Variants in HELZ observed in about 807,000 individuals in gnomAD.
HELZ encodes helicase with zinc finger, also known as ATP-dependent RNA helicase with zinc finger domain.
Under a neutral mutation model 218.2 loss-of-function variants are expected in HELZ, and 23 were observed. The observed-to-expected ratio is 0.11, with a 90% confidence interval of 0.08 to 0.15. The LOEUF is 0.15. Ranked by LOEUF, HELZ falls within the 10% of genes least tolerant of loss-of-function variation. The pLI is 1.00. For synonymous variants in HELZ, 814 were observed against 829.4 expected (o/e 0.98, Z 0.32); for missense variants, 1,813 against 2,353.7 (o/e 0.77, Z 4.75).
chr17:67,133,668 C>T (rs1056579072), intron 23 of HELZ, among the ~76,000 whole-genome samples: 1 of 152,130 alleles, frequency 6.6e-6, no homozygotes, highest in African/African-American at 2.4e-5. Context: ...GCACATGCCA[C>T]CACACGCAGC....
rs371535921 is a variant in HELZ, at chr17:67,078,329, C to T, written c.5752G>A (p.Asp1918Asn). 7 of 1,613,884 alleles carry T rather than the reference C, an allele frequency of 4.3e-6. No homozygotes were observed. The highest frequency in any genetic ancestry group is 3.3e-5 in the Admixed American group (2 of 60,002). ...PPPEQAKKSS[D>N]PLSLFQELSL... Reference sequence around the variant, plus strand: ...AGTTCCTGGAAGAGAGACAGAGGGTCGCTACTCTTCTTGGCCTGCTCAGGA... The same window carrying T: ...AGTTCCTGGAAGAGAGACAGAGGGTTGCTACTCTTCTTGGCCTGCTCAGGA... The change falls in exon 33 of 33, where the codon GAC becomes AAC. Residue 1918 changes from aspartate (D) to asparagine (N), a missense_variant. By Grantham distance (23) the Asp-to-Asn change is conservative. Coordinates refer to ENST00000358691, the MANE Select transcript of HELZ (RefSeq NM_014877.4).
At chr17:67,182,895 G>C (rs1488339958) in intron 12 of HELZ, among the ~76,000 whole-genome samples, 1 of 152,100 alleles carries the variant, frequency 6.6e-6, no homozygotes, top group African/African-American at 2.4e-5. Flanking sequence ...TAGCAGACTT[G>C]AAAAATACCT....
intron 15 of HELZ, 75 bp downstream of exon 15, chr17:67,166,403 G>T: frequency 7.9e-7 from 1 of 1,273,378 alleles, no homozygotes; most frequent in African/African-American, 1.5e-5. Context: ...ATAAAAGTAT[G>T]CTTGAGTTAT....
rs138790322 is a variant in HELZ, at chr17:67,076,158, T to C, written c.*2094A>G. On this transcript the variant is annotated 3_prime_UTR_variant, in exon 33 of 33. Transcript: ENST00000358691. ...CTTTTGAACATTTATCTAGCTTGCGTTGTAGTCCTGTATATGGGGGCTGGG... is the reference window on the plus strand; with the variant it reads ...CTTTTGAACATTTATCTAGCTTGCGCTGTAGTCCTGTATATGGGGGCTGGG... 8 of 152,482 alleles carry C rather than the reference T, an allele frequency of 5.2e-5. No individual in the cohort carries two copies. The highest frequency in any genetic ancestry group is 1.7e-4 in the African/African-American group (7 of 41,534). The allele number at this position is 152,482 out of a possible 1,614,324, so 9.4% of individuals were successfully genotyped here. A position where few individuals can be genotyped will look rare whatever the true frequency, so the allele number is the denominator to read the frequency against.
chr17:67,170,974 C>A (rs918364881), intron 13 of HELZ, among the ~76,000 whole-genome samples: 2 of 151,072 alleles, frequency 1.3e-5, no homozygotes, highest in African/African-American at 4.9e-5. Context: ...ACTTATAGTG[C>A]AAGAAATTCT....
intron 6 of HELZ, among the ~76,000 whole-genome samples, chr17:67,202,330 C>T (rs570801908): frequency 6.6e-6 from 1 of 151,818 alleles, no homozygotes; most frequent in Non-Finnish European, 1.5e-5. Context: ...CAAAAAAAGC[C>T]AAAAAATTAA....
At position 67,149,898 on chromosome 17, in the gene HELZ, G is replaced by A. The variant is rs751196384; in HGVS notation, c.2444C>T (p.Thr815Ile). 6.2e-7 allele frequency: 1 copy of A among 1,609,662 alleles called. No individual in the cohort carries two copies. Among genetic ancestry groups the A allele is most frequent in the East Asian group, 2.2e-5 (1 of 44,608 alleles). ...IMPLALATQNTRIVLAGDHMQ... is the reference protein window; with the variant it reads ...IMPLALATQNIRIVLAGDHMQ... The stretch of plus-strand genomic sequence containing the variant: ...GTGATCACCAGCCAAGACAATCCGA[G>A]TGTTTTGAGTTGCTAATGCTAGAGG... The change falls in exon 19 of 33, where the codon ACT becomes ATT. Residue 815 changes from threonine (T) to isoleucine (I), a missense_variant. By Grantham distance (89) the Thr-to-Ile change is moderately conservative. Coordinates refer to ENST00000358691, the MANE Select transcript of HELZ (RefSeq NM_014877.4).
At chr17:67,187,739 T>C (rs748603802) in intron 12 of HELZ, among the ~76,000 whole-genome samples, 5 of 152,206 alleles carry the variant, frequency 3.3e-5, no homozygotes, top group East Asian at 1.9e-4. Context: ...ATTGACAATG[T>C]ACAAAGTAAT....
In HELZ at chr17:67,078,567, T is replaced by A; in HGVS notation, c.5514A>T (p.Lys1838Asn). 6.7e-7 allele frequency: 1 copy of A among 1,494,496 alleles called. No individual in the cohort carries two copies. The highest frequency in any genetic ancestry group is 8.9e-7 in the Non-Finnish European group (1 of 1,122,920). 92.6% of individuals were successfully genotyped at this position (1,494,496 alleles called of 1,614,324 possible). ...RELIAPPKTV[K>N]PPEDQLKSEN... ...CCGACTTCAGTTGATCCTCAGGGGGTTTGACAGTCTTGGGTGGCGCTAAAA... is the reference window on the plus strand; with the variant it reads ...CCGACTTCAGTTGATCCTCAGGGGGATTGACAGTCTTGGGTGGCGCTAAAA... The change falls in exon 33 of 33, where the codon AAA (lysine) becomes AAT (asparagine). Residue 1838 changes from lysine (K) to asparagine (N), a missense_variant. This residue lies in a region of HELZ where 938 missense variants were observed against 1,027.5 expected (regional missense o/e 0.91). Transcript: ENST00000358691.
At position 67,076,244 on chromosome 17, in the gene HELZ, A is replaced by G. The variant is rs978227494; in HGVS notation, c.*2008T>C. On this transcript the variant is annotated 3_prime_UTR_variant, in exon 33 of 33. Transcript: ENST00000358691. The stretch of plus-strand genomic sequence containing the variant: ...TAACATCCTCACATCAGAGAGATCT[A>G]ATTTTCATTCGGATATGTCTTGAGT... 7 of 152,228 alleles carry G rather than the reference A, an allele frequency of 4.6e-5. No homozygotes were observed. The highest frequency in any genetic ancestry group is 1.7e-4 in the African/African-American group (7 of 41,448). The allele number at this position is 152,228 out of a possible 1,614,324, so 9.4% of individuals were successfully genotyped here. A position where few individuals can be genotyped will look rare whatever the true frequency, so the allele number is the denominator to read the frequency against.
intron 31 of HELZ, among the ~76,000 whole-genome samples, chr17:67,104,329 T>C (rs1328232738): frequency 2.0e-5 from 3 of 151,774 alleles, no homozygotes; most frequent in Non-Finnish European, 4.4e-5. Context: ...GTTCCAGCTA[T>C]TCCGGAGGGT....
At chr17:67,146,313 C>T (rs890344533) in intron 20 of HELZ, among the ~76,000 whole-genome samples, 2 of 152,086 alleles carry the variant, frequency 1.3e-5, no homozygotes, top group African/African-American at 4.8e-5. Flanking sequence ...TGTATTTTAA[C>T]CATACTTTTT....
intron 31 of HELZ, among the ~76,000 whole-genome samples, chr17:67,105,542 G>A (rs1352012148): frequency 6.6e-6 from 1 of 152,142 alleles, no homozygotes; most frequent in Non-Finnish European, 1.5e-5. Flanking sequence ...AGTGATGACT[G>A]TATAACATTG....
intron 3 of HELZ, among the ~76,000 whole-genome samples, chr17:67,230,042 A>G (rs923567456): frequency 4.6e-5 from 7 of 152,226 alleles, no homozygotes; most frequent in African/African-American, 1.7e-4. Context: ...AAATATCCTG[A>G]TGGGCCTTCT....
At chr17:67,158,606 A>T (rs62074261) in intron 17 of HELZ, among the ~76,000 whole-genome samples, 1,725 of 152,312 alleles carry the variant, frequency 0.011, 14 homozygotes, top group Non-Finnish European at 0.018. Context: ...CCATTTACTA[A>T]ATGAAATCAC....
chr17:67,090,756 T>C (rs2143618841), intron 31 of HELZ, among the ~76,000 whole-genome samples: 1 of 152,248 alleles, frequency 6.6e-6, no homozygotes, highest in South Asian at 2.1e-4. Context: ...AGGTAGTTTG[T>C]ATCCTCTTTT....
intron 7 of HELZ, among the ~76,000 whole-genome samples, chr17:67,195,838 C>CTTTTTTTT (rs66827855): frequency 3.0e-5 from 3 of 101,540 alleles, no homozygotes; most frequent in African/African-American, 4.3e-5. Context: ...GTTTCTTTTC[C>CTTTTTTTT]TTTTTTTTTT....
chr17:67,167,434 T>C (rs1217325161), intron 14 of HELZ, 29 bp downstream of exon 14: 4 of 1,509,452 alleles, frequency 2.6e-6, no homozygotes, highest in Admixed American at 1.7e-5. Context: ...TACAGACCAC[T>C]ATGGTTAAGC....
At chr17:67,205,958 C>A (rs1213071694) in intron 5 of HELZ, among the ~76,000 whole-genome samples, 1 of 152,106 alleles carries the variant, frequency 6.6e-6, no homozygotes, top group Non-Finnish European at 1.5e-5. Context: ...TAGAAATAGT[C>A]AATAACTATA....
Sources: gnomAD v4.1 joint callset for allele counts (sites outside exome capture counted in the v4.1 genomes callset) on GRCh38, gnomAD v4.1.1 for gene constraint, gnomAD v4.1.1 regional missense constraint, MANE v1.5 for transcripts, NCBI Gene and HGNC (gene_info 2026-07-23, HGNC 2026-07-21) for gene names.